The following POLR3G variants were observed in gnomAD, a reference collection of about 807,000 sequenced individuals.
POLR3G encodes RNA polymerase III subunit G, also known as DNA-directed RNA polymerase III subunit RPC7.
Under a neutral mutation model 30.1 loss-of-function variants are expected in POLR3G, and 28 were observed. That is an observed-to-expected ratio of 0.93 (90% CI 0.69 to 1.27). POLR3G has a LOEUF of 1.27. Ranked by LOEUF, POLR3G falls within the 50% of genes most tolerant of loss-of-function variation. The probability of loss-of-function intolerance (pLI) is 0.00; values close to 1 mark genes in which losing one functional copy is unlikely to be tolerated. For missense variants in POLR3G, 254 were observed against 264.6 expected (o/e 0.96, Z 0.28); for synonymous variants, 79 against 82.5 (o/e 0.96, Z 0.23).
At chr5:90,509,217 G>C (rs1411496792) in intron 7 of POLR3G, among the ~76,000 whole-genome samples, 1 of 152,010 alleles carries the variant, frequency 6.6e-6, no homozygotes, top group East Asian at 1.9e-4. Context: ...ACATTTTTAT[G>C]GTCTCTGGAG....
chr5:90,481,985 A>AT (rs1751147876), intron 1 of POLR3G, among the ~76,000 whole-genome samples: 2 of 152,212 alleles, frequency 1.3e-5, no homozygotes, highest in Non-Finnish European at 2.9e-5. Context: ...AGTAGTGGGT[A>AT]TATGGAGATT....
At chr5:90,500,551 G>A (rs959039111) in intron 5 of POLR3G, among the ~76,000 whole-genome samples, 1 of 152,036 alleles carries the variant, frequency 6.6e-6, no homozygotes, top group Non-Finnish European at 1.5e-5. Flanking sequence ...GTTCATATGT[G>A]ATGCTATATT....
At position 90,501,962 on chromosome 5, in the gene POLR3G, A is replaced by G. The variant is rs998665890; in HGVS notation, c.412A>G (p.Thr138Ala). Residue 138 changes from threonine (T) to alanine (A), a missense_variant, in exon 6 of 8, where the codon ACT (threonine) becomes GCT (alanine). Thr to Ala is a moderately conservative substitution (Grantham distance 58). Coordinates refer to ENST00000651687, the MANE Select transcript of POLR3G (RefSeq NM_006467.3). ...AGGCAAAGGCACACCACTCACTAAT[A>G]CTGAAGATGTGTTGAAAAAAATGGA... is the stretch of plus-strand genomic sequence containing the variant. ...DAGKGTPLTN[T>A]EDVLKKMEEL... The G allele has an allele frequency of 6.2e-7, 1 of 1,613,446 alleles. No homozygotes were observed. Among genetic ancestry groups the G allele is most frequent in the East Asian group, 2.2e-5 (1 of 44,810 alleles).
Position 90,489,691 on chromosome 5 carries a change from C to A in POLR3G, c.247+1562C>A, listed in dbSNP as rs142652426. ...CCAAATGAACTAATCAGTATTCATT[C>A]TTATTAGAAAAAATAGTAATGCAGG... is the stretch of plus-strand genomic sequence containing the variant. On this transcript the variant is annotated intron_variant, in intron 3 of 7. Transcript: ENST00000651687. Among the ~76,000 whole-genome samples the A allele has an allele frequency of 5.0e-3, 754 of 152,156 alleles. 5 individuals are homozygous for A. Among genetic ancestry groups the A allele is most frequent in the African/African-American group, 0.017 (717 of 41,530 alleles).
chr5:90,474,046 G>A (rs1750638999), upstream of POLR3G: 1 of 1,588,546 alleles, frequency 6.3e-7, no homozygotes, highest in Non-Finnish European at 8.6e-7. Flanking sequence ...AAGTGCACGT[G>A]GGTGGCCACG....
upstream of POLR3G, chr5:90,474,566 C>T: frequency 2.1e-6 from 1 of 482,168 alleles, no homozygotes; most frequent in Non-Finnish European, 3.7e-6. Context: ...GCTACCGCAG[C>T]CTCGGCAGCC....
chr5:90,497,182 A>G (rs932827839), intron 4 of POLR3G, among the ~76,000 whole-genome samples: 12 of 152,090 alleles, frequency 7.9e-5, no homozygotes, highest in Non-Finnish European at 1.8e-4. Context: ...TATATTTTTA[A>G]TTTTAAAGTT....
At chr5:90,497,877 G>A in intron 5 of POLR3G, 171 bp downstream of exon 5, 1 of 772,466 alleles carries the variant, frequency 1.3e-6, no homozygotes, top group South Asian at 2.3e-5. Flanking sequence ...AGGCTGAGGT[G>A]GGAGGATCAC....
At chr5:90,492,877 AGT>A (rs1278932829) in intron 3 of POLR3G, among the ~76,000 whole-genome samples, 6 of 148,234 alleles carry the variant, frequency 4.0e-5, no homozygotes, top group African/African-American at 1.5e-4. Flanking sequence ...AAAAAAAAAA[AGT>A]ATGAGACATC....
intron 1 of POLR3G, among the ~76,000 whole-genome samples, chr5:90,481,664 AAAG>A (rs1466493889): frequency 6.6e-6 from 1 of 150,982 alleles, no homozygotes; most frequent in Non-Finnish European, 1.5e-5. Context: ...AGACAAATAG[AAAG>A]AAAAAAAAAT....
chr5:90,483,421 A>G (rs568006731), intron 1 of POLR3G, among the ~76,000 whole-genome samples: 94 of 152,306 alleles, frequency 6.2e-4, no homozygotes, highest in African/African-American at 2.0e-3. Context: ...AGAAAACAGG[A>G]AACGATGTTT....
At chr5:90,480,231 G>A (rs1364858816) in intron 1 of POLR3G, among the ~76,000 whole-genome samples, 1 of 152,130 alleles carries the variant, frequency 6.6e-6, no homozygotes, top group African/African-American at 2.4e-5. Context: ...ATGAGACAGT[G>A]GTTAACTCAA....
intron 3 of POLR3G, among the ~76,000 whole-genome samples, chr5:90,489,338 TCA>T (rs1751607375): frequency 6.6e-6 from 1 of 151,172 alleles, no homozygotes; most frequent in Non-Finnish European, 1.5e-5. Flanking sequence ...CAATCTCGGC[TCA>T]CTGCAACCTC....
intron 7 of POLR3G, among the ~76,000 whole-genome samples, chr5:90,507,598 A>G (rs1323348164): frequency 6.6e-6 from 1 of 152,028 alleles, no homozygotes; most frequent in Non-Finnish European, 1.5e-5. Flanking sequence ...TCTCTGTTCC[A>G]TTGATCTATT....
intron 6 of POLR3G, among the ~76,000 whole-genome samples, chr5:90,505,517 A>G (rs1050140677): frequency 1.3e-5 from 2 of 152,214 alleles, no homozygotes; most frequent in Non-Finnish European, 2.9e-5. Context: ...CTATTCCCTG[A>G]TGGTTCCACT....
chr5:90,513,160 T>G lies in POLR3G; in HGVS notation c.*1021T>G, dbSNP rs191445375. The G allele has an allele frequency of 3.0e-3, 453 of 152,650 alleles. No homozygotes were observed. The highest frequency in any genetic ancestry group is 9.9e-3 in the African/African-American group (413 of 41,564). The allele number at this position is 152,650 out of a possible 1,614,324, so 9.5% of individuals were successfully genotyped here. ...CCTAAAAACCTCAGCCTACAAAGAC[T>G]CTCAGAAATGCCAAAGATTTTCAAG... On this transcript the variant is annotated 3_prime_UTR_variant, in exon 8 of 8. Coordinates refer to ENST00000651687, the MANE Select transcript of POLR3G (RefSeq NM_006467.3).
At chr5:90,493,437 G>A (rs1751830060) in intron 3 of POLR3G, among the ~76,000 whole-genome samples, 1 of 151,704 alleles carries the variant, frequency 6.6e-6, no homozygotes, top group South Asian at 2.1e-4. Context: ...TGTAGAGATG[G>A]GGGTTTCACC....
chr5:90,510,895 A>G (rs919875478), intron 7 of POLR3G, among the ~76,000 whole-genome samples: 3 of 152,162 alleles, frequency 2.0e-5, no homozygotes, highest in Non-Finnish European at 1.5e-5. Context: ...TTTGGAAAAA[A>G]ATTAGTAAAA....
intron 2 of POLR3G, among the ~76,000 whole-genome samples, chr5:90,486,070 A>G (rs778285385): frequency 4.6e-5 from 7 of 152,194 alleles, no homozygotes; most frequent in Non-Finnish European, 7.3e-5. Context: ...GTATCTATAG[A>G]ATTTAAGTTT....
Sources: allele counts gnomAD v4.1 joint callset (sites outside exome capture counted in the v4.1 genomes callset), GRCh38; gene constraint gnomAD v4.1.1; transcripts MANE v1.5; gene names NCBI Gene and HGNC (gene_info 2026-07-23, HGNC 2026-07-21).